Variants in MACROD2 observed in about 807,000 individuals in gnomAD.
MACROD2 encodes ADP-ribose glycohydrolase MACROD2.
MACROD2 carries 36 observed loss-of-function variants against 70.4 expected under a neutral mutation model. The ratio of observed to expected loss-of-function variants is 0.51; its 90% CI spans 0.39 to 0.68. MACROD2 has a LOEUF of 0.68. Among genes scored for constraint, MACROD2 ranks in the 30% least tolerant of loss-of-function variants. The pLI is 0.00. For synonymous variants in MACROD2, 172 were observed against 178.8 expected (o/e 0.96, Z 0.30); for missense variants, 496 against 538.4 (o/e 0.92, Z 0.78).
At chr20:15,937,954 C>CA (rs1392904808) in intron 12 of MACROD2, among the ~76,000 whole-genome samples, 1 of 150,990 alleles carries the variant, frequency 6.6e-6, no homozygotes, top group Non-Finnish European at 1.5e-5. Flanking sequence ...CACCATTTTT[C>CA]AAAAAAGAAA....
At chr20:14,608,349 T>G (rs1040040572) in intron 4 of MACROD2, among the ~76,000 whole-genome samples, 1 of 152,200 alleles carries the variant, frequency 6.6e-6, no homozygotes, top group African/African-American at 2.4e-5. Context: ...ATCTGCACTT[T>G]TATTTCTCTT....
At chr20:16,019,649 T>C (rs1434865718) in intron 15 of MACROD2, among the ~76,000 whole-genome samples, 5 of 152,198 alleles carry the variant, frequency 3.3e-5, no homozygotes, top group Non-Finnish European at 7.3e-5. Flanking sequence ...GTAACCACAA[T>C]GTGGTTCCTG....
At chr20:14,570,678 GT>G (rs1344027155) in intron 4 of MACROD2, among the ~76,000 whole-genome samples, 1 of 151,940 alleles carries the variant, frequency 6.6e-6, no homozygotes, top group African/African-American at 2.4e-5. Context: ...ATGCATGCTA[GT>G]TATCACAGTG....
At chr20:15,686,173 G>A (rs1030674435) in intron 8 of MACROD2, among the ~76,000 whole-genome samples, 7 of 152,140 alleles carry the variant, frequency 4.6e-5, no homozygotes, top group African/African-American at 1.7e-4. Flanking sequence ...TGTGCAATAT[G>A]CCATAATTTT....
intron 3 of MACROD2, among the ~76,000 whole-genome samples, chr20:14,440,495 A>G (rs2084109182): frequency 6.6e-6 from 1 of 152,218 alleles, no homozygotes; most frequent in Non-Finnish European, 1.5e-5. Context: ...GGCTAATAGT[A>G]ATTGTTTAAT....
chr20:14,128,838 G>A (rs1008287123), intron 3 of MACROD2, among the ~76,000 whole-genome samples: 4 of 152,150 alleles, frequency 2.6e-5, no homozygotes, highest in African/African-American at 7.2e-5. Context: ...GAATCACAAT[G>A]CCTGGATGAC....
chr20:15,507,376 C>T (rs1178597522), intron 8 of MACROD2, among the ~76,000 whole-genome samples: 1 of 106,878 alleles, frequency 9.4e-6, no homozygotes. Flanking sequence ...TTTCTTTCTC[C>T]TTCCTTCCCT....
At chr20:14,816,405 C>T (rs144156127) in intron 5 of MACROD2, among the ~76,000 whole-genome samples, 1 of 152,032 alleles carries the variant, frequency 6.6e-6, no homozygotes, top group East Asian at 1.9e-4. Context: ...CAGTATAAGG[C>T]AAGGGCCCAG....
intron 2 of MACROD2, among the ~76,000 whole-genome samples, chr20:14,013,355 C>G (rs6110129): frequency 0.37 from 55,932 of 149,740 alleles, 10,982 homozygotes; most frequent in East Asian, 0.48. Context: ...TCACTGCAAG[C>G]TCCGCCTCCC....
At chr20:14,632,648 T>C (rs764010489) in intron 4 of MACROD2, among the ~76,000 whole-genome samples, 2 of 152,166 alleles carry the variant, frequency 1.3e-5, no homozygotes, top group Non-Finnish European at 2.9e-5. Flanking sequence ...AAGTGGAAGG[T>C]AGTAGATAGT....
intron 10 of MACROD2, among the ~76,000 whole-genome samples, chr20:15,896,201 TATTTTTA>T (rs1445788882): frequency 6.6e-6 from 1 of 152,202 alleles, no homozygotes; most frequent in African/African-American, 2.4e-5. Context: ...AAGCTCCTGG[TATTTTTA>T]TTTATAGATC....
At chr20:14,859,792 G>A (rs397254) in intron 5 of MACROD2, among the ~76,000 whole-genome samples, 90,843 of 151,912 alleles carry the variant, frequency 0.6, 27,974 homozygotes, top group Non-Finnish European at 0.67. Context: ...ACTGACCCAT[G>A]TTAGATCTTT....
chr20:15,976,843 G>A (rs1382450469), intron 13 of MACROD2, among the ~76,000 whole-genome samples: 1 of 152,188 alleles, frequency 6.6e-6, no homozygotes, highest in Non-Finnish European at 1.5e-5. Flanking sequence ...GCAAGGAAGA[G>A]AAATATTCCA....
intron 3 of MACROD2, among the ~76,000 whole-genome samples, chr20:14,237,456 C>CT (rs2081886838): frequency 6.6e-6 from 1 of 151,428 alleles, no homozygotes; most frequent in African/African-American, 2.4e-5. Context: ...TAGTTTTTAT[C>CT]TTTTTTCTTT....
At chr20:15,836,239 G>A (rs1216846287) in intron 8 of MACROD2, among the ~76,000 whole-genome samples, 3 of 152,206 alleles carry the variant, frequency 2.0e-5, no homozygotes, top group African/African-American at 7.2e-5. Context: ...TTAGGAGAGG[G>A]TAAATGGATT....
intron 5 of MACROD2, among the ~76,000 whole-genome samples, chr20:15,198,049 C>T (rs1353553551): frequency 6.6e-6 from 1 of 151,422 alleles, no homozygotes; most frequent in African/African-American, 2.4e-5. Flanking sequence ...GTAAACTCCA[C>T]CTCCCAGGTT....
At chr20:14,743,793 A>C (rs1239744235) in intron 5 of MACROD2, among the ~76,000 whole-genome samples, 1 of 152,148 alleles carries the variant, frequency 6.6e-6, no homozygotes, top group Non-Finnish European at 1.5e-5. Flanking sequence ...TGCAGATGTG[A>C]GTAAGGACTT....
rs777906993 is a variant in MACROD2, at chr20:14,391,628, A to T, written c.272-101851A>T. On this transcript the variant is annotated intron_variant, in intron 3 of 17. Transcript: ENST00000684519. ...GTATCCCTGACTTAAAATAAAAATT[A>T]AAAAAATTTAGCCTTCTATAAGAGA... 1.3e-3 allele frequency among the ~76,000 whole-genome samples: 192 copies of T among 151,876 alleles called. 1 individual carries two copies. Among genetic ancestry groups the T allele is most frequent in the Non-Finnish European group, 2.3e-3 (154 of 67,920 alleles).
intron 8 of MACROD2, among the ~76,000 whole-genome samples, chr20:15,841,986 G>A (rs1312178749): frequency 6.6e-6 from 1 of 152,088 alleles, no homozygotes; most frequent in Non-Finnish European, 1.5e-5. Context: ...AGATGAACAG[G>A]AATTGGGTAG....
Sources: allele counts gnomAD v4.1 joint callset (sites outside exome capture counted in the v4.1 genomes callset), GRCh38; gene constraint gnomAD v4.1.1; transcripts MANE v1.5; gene names NCBI Gene and HGNC (gene_info 2026-07-23, HGNC 2026-07-21).